The following HMGA2 variants were observed in gnomAD, a reference collection of about 807,000 sequenced individuals.
The protein encoded by HMGA2 is high mobility group protein HMGI-C.
A neutral mutation model predicts 19.1 loss-of-function variants in HMGA2; 8 were observed. That is an observed-to-expected ratio of 0.42 (90% CI 0.25 to 0.76). The LOEUF is 0.76. Ranked by LOEUF, HMGA2 falls within the 30% of genes least tolerant of loss-of-function variation. The probability of loss-of-function intolerance (pLI) is 0.28; values close to 1 mark genes in which losing one functional copy is unlikely to be tolerated. For missense variants in HMGA2, 109 were observed against 136.3 expected, an observed-to-expected ratio of 0.80 and a Z score of 1.00; for synonymous variants, 60 against 48.8, an observed-to-expected ratio of 1.23 and a Z score of -0.96.
intron 3 of HMGA2, among the ~76,000 whole-genome samples, chr12:65,945,434 TC>T (rs1349781622): frequency 6.6e-6 from 1 of 152,030 alleles, no homozygotes; most frequent in South Asian, 2.1e-4. Context: ...CAGGTAAATG[TC>T]AAATTCAAAG....
At chr12:65,956,092 C>T (rs1876597707) in intron 4 of HMGA2, 1 of 152,168 alleles carries the variant, frequency 6.6e-6, no homozygotes, top group Non-Finnish European at 1.5e-5. Context: ...TTACATGGTA[C>T]CTTGGCCAGT....
chr12:65,916,217 C>G (rs11175960), intron 3 of HMGA2, among the ~76,000 whole-genome samples: 12,107 of 152,192 alleles, frequency 0.08, 547 homozygotes, highest in Middle Eastern at 0.21. Context: ...GCAGCTGGTT[C>G]CATGTTCAGT....
At chr12:65,933,949 C>T (rs1875806148) in intron 3 of HMGA2, among the ~76,000 whole-genome samples, 1 of 152,116 alleles carries the variant, frequency 6.6e-6, no homozygotes, top group Admixed American at 6.6e-5. Flanking sequence ...AGAGTATGCC[C>T]AGATATGAGT....
chr12:65,956,979 T>C (rs1876623252), intron 4 of HMGA2: 1 of 152,334 alleles, frequency 6.6e-6, no homozygotes, highest in African/African-American at 2.4e-5. Context: ...TAGAAATATG[T>C]TGCATTGCCT....
At chr12:65,881,555 AG>A in intron 3 of HMGA2, 1 of 587,078 alleles carries the variant, frequency 1.7e-6, no homozygotes, top group Non-Finnish European at 3.0e-6. Context: ...TGTGCTACCA[AG>A]TAATGGAAAG....
At chr12:65,842,381 C>A in intron 3 of HMGA2, 2 of 621,172 alleles carry the variant, frequency 3.2e-6, no homozygotes, top group Non-Finnish European at 2.8e-6. Flanking sequence ...TGTACACTTT[C>A]ATTTTGACAT....
chr12:65,960,025 G>A (rs1267588171), intron 4 of HMGA2, among the ~76,000 whole-genome samples: 1 of 152,104 alleles, frequency 6.6e-6, no homozygotes, highest in Non-Finnish European at 1.5e-5. Flanking sequence ...AAGTAGCTGG[G>A]ACTTCAGGTG....
chr12:65,913,163 GTTC>G (rs1167867076), intron 3 of HMGA2, among the ~76,000 whole-genome samples: 36 of 152,116 alleles, frequency 2.4e-4, no homozygotes, highest in African/African-American at 8.2e-4. Flanking sequence ...CCACACAACA[GTTC>G]TTCTGTTCCT....
At chr12:65,912,173 T>C (rs917632004) in intron 3 of HMGA2, among the ~76,000 whole-genome samples, 23 of 152,216 alleles carry the variant, frequency 1.5e-4, no homozygotes, top group Non-Finnish European at 2.8e-4. Flanking sequence ...ATTCTTCAGG[T>C]AAATGATAAA....
intron 3 of HMGA2, among the ~76,000 whole-genome samples, chr12:65,924,658 C>T (rs1875440602): frequency 6.6e-6 from 1 of 151,988 alleles, no homozygotes; most frequent in Non-Finnish European, 1.5e-5. Context: ...ATTAGCTGGG[C>T]GTTGTGGGGC....
chr12:65,959,068 T>C (rs1413174640), intron 4 of HMGA2, among the ~76,000 whole-genome samples: 1 of 152,224 alleles, frequency 6.6e-6, no homozygotes, highest in East Asian at 1.9e-4. Flanking sequence ...GCATTAAATA[T>C]TGAACTTTCT....
At chr12:65,938,878 G>A (rs769930541) in intron 3 of HMGA2, among the ~76,000 whole-genome samples, 14 of 151,848 alleles carry the variant, frequency 9.2e-5, no homozygotes, top group African/African-American at 1.7e-4. Flanking sequence ...TGCCCATGCC[G>A]GCCTCGAACT....
chr12:65,834,312 T>A (rs73115420), intron 2 of HMGA2, among the ~76,000 whole-genome samples: 2,643 of 152,320 alleles, frequency 0.017, 46 homozygotes, highest in South Asian at 0.04. Context: ...CTTCTGCGAC[T>A]GATACCCACA....
intron 3 of HMGA2, among the ~76,000 whole-genome samples, chr12:65,849,736 ATTTTTT>A (rs34541445): frequency 3.5e-5 from 3 of 85,128 alleles, no homozygotes; most frequent in African/African-American, 1.1e-4. Context: ...TAGGCTCTGT[ATTTTTT>A]TTTTTTTTTT....
chr12:65,955,093 A>T (rs1876566834), intron 4 of HMGA2: 1 of 152,222 alleles, frequency 6.6e-6, no homozygotes, highest in African/African-American at 2.4e-5. Context: ...AGGCAGGAGA[A>T]TCACTTGAAC....
intron 3 of HMGA2, among the ~76,000 whole-genome samples, chr12:65,863,420 T>C (rs1872215758): frequency 6.6e-6 from 1 of 152,114 alleles, no homozygotes; most frequent in Non-Finnish European, 1.5e-5. Flanking sequence ...ACTAAAACTG[T>C]TAAGCCAAAA....
chr12:65,847,261 G>T (rs555210758), intron 3 of HMGA2, among the ~76,000 whole-genome samples: 1 of 152,182 alleles, frequency 6.6e-6, no homozygotes, highest in East Asian at 1.9e-4. Context: ...GGGTTAAAAA[G>T]ATGGGTGTTA....
intron 3 of HMGA2, among the ~76,000 whole-genome samples, chr12:65,932,917 A>C (rs1032704608): frequency 1.3e-5 from 2 of 152,216 alleles, no homozygotes; most frequent in African/African-American, 2.4e-5. Flanking sequence ...ACTATAGCCA[A>C]TGAGGTTGTT....
chr12:65,882,007 C>G, intron 3 of HMGA2: 2 of 683,016 alleles, frequency 2.9e-6, no homozygotes, highest in Non-Finnish European at 5.4e-6. Flanking sequence ...GGCGGTCAGT[C>G]GCTGGCATGG....
Sources: allele counts gnomAD v4.1 joint callset (sites outside exome capture counted in the v4.1 genomes callset), GRCh38; gene constraint gnomAD v4.1.1; transcripts MANE v1.5; gene names NCBI Gene and HGNC (gene_info 2026-07-23, HGNC 2026-07-21).